Variants in WDR64 observed in about 807,000 individuals in gnomAD.
WDR64 encodes WD repeat-containing protein 64.
Under a neutral mutation model 139.3 loss-of-function variants are expected in WDR64, and 112 were observed. That is an observed-to-expected ratio of 0.80 (90% CI 0.69 to 0.94). WDR64 has a LOEUF of 0.94. Among genes scored for constraint, WDR64 ranks in the 40% least tolerant of loss-of-function variants. The pLI, the probability that WDR64 is intolerant of heterozygous loss-of-function variation, is 0.00. For synonymous variants in WDR64, 444 were observed against 437.7 expected (o/e 1.01, Z -0.18); for missense variants, 1,206 against 1,293.1 (o/e 0.93, Z 1.03).
chr1:241,779,351 T>A (rs1287457925), intron 21 of WDR64, among the ~76,000 whole-genome samples: 1 of 152,204 alleles, frequency 6.6e-6, no homozygotes, highest in African/African-American at 2.4e-5. Context: ...TCATTGTTGC[T>A]CTTTGATATG....
In WDR64 at chr1:241,705,498, C is replaced by T. The variant is rs546806552; in HGVS notation, c.975-6304C>T. Among the ~76,000 whole-genome samples the T allele has an allele frequency of 3.5e-3, 526 of 150,536 alleles. 3 individuals are homozygous for T. Among genetic ancestry groups the T allele is most frequent in the Non-Finnish European group, 5.9e-3 (400 of 67,744 alleles). On this transcript the variant is annotated intron_variant, in intron 8 of 27. Coordinates refer to ENST00000437684, the MANE Select transcript of WDR64 (RefSeq NM_001367482.1). The stretch of plus-strand genomic sequence containing the variant: ...CGGAGCTTGCAGTGAGCCGAGATCG[C>T]GCCACTGCACTCCAGCCTGGGCGAT...
In WDR64 at chr1:241,772,818, A is replaced by C; in HGVS notation, c.2317A>C (p.Lys773Gln). The change falls in exon 20 of 28, where the codon AAG becomes CAG. Residue 773 changes from lysine (K) to glutamine (Q), a missense_variant. Coordinates refer to ENST00000437684, the MANE Select transcript of WDR64 (RefSeq NM_001367482.1). ...TGAACAAACAGATGTAATGGTGGGA[A>C]AGCAACAGCCAATGGACAAAAAACA... is the stretch of plus-strand genomic sequence containing the variant. ...KGEQTDVMVG[K>Q]QQPMDKKHPG... 6.4e-7 allele frequency: 1 copy of C among 1,551,862 alleles called. No individual in the cohort carries two copies. Among genetic ancestry groups the C allele is most frequent in the Non-Finnish European group, 8.7e-7 (1 of 1,147,038 alleles).
intron 15 of WDR64, among the ~76,000 whole-genome samples, chr1:241,764,136 A>G (rs1219271180): frequency 6.6e-6 from 1 of 152,186 alleles, no homozygotes; most frequent in African/African-American, 2.4e-5. Context: ...GTTAAAAATG[A>G]AGACAAACAA....
intron 18 of WDR64, among the ~76,000 whole-genome samples, chr1:241,771,246 A>G (rs1309084614): frequency 6.6e-6 from 1 of 152,250 alleles, no homozygotes; most frequent in Non-Finnish European, 1.5e-5. Context: ...AAAGCCAGAC[A>G]GATTGTACTT....
At chr1:241,800,709 C>T (rs142429314) in intron 27 of WDR64, among the ~76,000 whole-genome samples, 5 of 152,254 alleles carry the variant, frequency 3.3e-5, no homozygotes, top group Non-Finnish European at 5.9e-5. Flanking sequence ...CTGATAATCA[C>T]TTGATTTTAT....
intron 6 of WDR64, 73 bp downstream of exon 6, chr1:241,679,668 T>G (rs1410771853): frequency 5.6e-6 from 7 of 1,248,418 alleles, no homozygotes; most frequent in Non-Finnish European, 8.0e-6. Context: ...AGCAATCCAC[T>G]TTCTCTATTG....
intron 17 of WDR64, 92 bp downstream of exon 17, chr1:241,769,597 T>C (rs983271607): frequency 1.1e-5 from 12 of 1,113,426 alleles, no homozygotes; most frequent in African/African-American, 3.1e-5. Flanking sequence ...GTTTTTGCCA[T>C]TGAAAGTAAT....
chr1:241,779,779 G>A (rs1658782891), intron 21 of WDR64, among the ~76,000 whole-genome samples: 2 of 152,144 alleles, frequency 1.3e-5, no homozygotes, highest in South Asian at 4.1e-4. Flanking sequence ...GCAGTGAGCT[G>A]AGATCATGCC....
intron 10 of WDR64, among the ~76,000 whole-genome samples, chr1:241,728,820 C>CTT (rs1219124745): frequency 1.8e-5 from 2 of 111,612 alleles, no homozygotes; most frequent in African/African-American, 3.9e-5. Flanking sequence ...TGATTCTCTT[C>CTT]TTCTTTTTTT....
chr1:241,785,468 A>T (rs1174227768), intron 23 of WDR64, among the ~76,000 whole-genome samples: 2 of 152,212 alleles, frequency 1.3e-5, no homozygotes, highest in African/African-American at 4.8e-5. Context: ...TGACCTAAGC[A>T]TGTCCCATTT....
intron 15 of WDR64, among the ~76,000 whole-genome samples, chr1:241,760,080 T>C (rs1180419018): frequency 6.6e-6 from 1 of 152,246 alleles, no homozygotes; most frequent in East Asian, 1.9e-4. Context: ...CATTATTCCA[T>C]TGTTTGCATA....
chr1:241,790,703 TAAA>T lies in WDR64; in HGVS notation c.2997+23_2997+25del, dbSNP rs35435449. 0.016 allele frequency: 20,375 copies of T among 1,258,660 alleles called. No individual in the cohort carries two copies. Among genetic ancestry groups the T allele is most frequent in the South Asian group, 0.025 (1,741 of 68,862 alleles). The allele number at this position is 1,258,660 out of a possible 1,614,324, so 78.0% of individuals were successfully genotyped here. On this transcript the variant is annotated splice_region_variant and intron_variant, in intron 25 of 27. Coordinates refer to ENST00000437684, the MANE Select transcript of WDR64 (RefSeq NM_001367482.1). ...GTCTCTTTCTTCTCCTAAGGTAGCTTAAAAAAAAAAAAAAAAAAGAAATGGCAA... is the reference window on the plus strand; with the variant it reads ...GTCTCTTTCTTCTCCTAAGGTAGCTTAAAAAAAAAAAAAAAGAAATGGCAA...
chr1:241,720,927 G>A (rs980188376), intron 9 of WDR64, among the ~76,000 whole-genome samples: 3 of 152,046 alleles, frequency 2.0e-5, no homozygotes, highest in African/African-American at 7.2e-5. Context: ...TATGGTTTTG[G>A]GGTTTACATT....
intron 10 of WDR64, among the ~76,000 whole-genome samples, chr1:241,730,368 T>C (rs1669030157): frequency 1.3e-5 from 2 of 152,168 alleles, no homozygotes; most frequent in African/African-American, 2.4e-5. Flanking sequence ...CTCTTAGCTA[T>C]GATTGCACAT....
chr1:241,664,311 T>C (rs189258564), intron 2 of WDR64, among the ~76,000 whole-genome samples: 65 of 152,356 alleles, frequency 4.3e-4, no homozygotes, highest in African/African-American at 1.5e-3. Flanking sequence ...TTTATATGCA[T>C]GAATTTCTAA....
rs528537519 is a variant in WDR64 at position 241,678,234 on chromosome 1, A to G, written c.513+18A>G. ...ATGTTACAGTAAGTACACTTTAAAAATTCCTAATTAAGTCAAAGTTAGGGC... is the reference window on the plus strand; with the variant it reads ...ATGTTACAGTAAGTACACTTTAAAAGTTCCTAATTAAGTCAAAGTTAGGGC... On this transcript the variant is annotated intron_variant, in intron 5 of 27. Transcript: ENST00000437684. The G allele has an allele frequency of 7.5e-6, 3 of 398,918 alleles. No individual in the cohort carries two copies. The highest frequency in any genetic ancestry group is 6.2e-5 in the African/African-American group (3 of 48,760). 24.7% of individuals were successfully genotyped at this position (398,918 alleles called of 1,614,324 possible).
chr1:241,663,963 T>C (rs1168549832), intron 2 of WDR64, among the ~76,000 whole-genome samples: 1 of 152,198 alleles, frequency 6.6e-6, no homozygotes, highest in African/African-American at 2.4e-5. Context: ...GATATACTGA[T>C]TCAATAAAGT....
chr1:241,749,670 A>G lies in WDR64; in HGVS notation c.1718A>G (p.His573Arg). The change falls in exon 14 of 28, where the codon CAC becomes CGC. Residue 573 changes from histidine (H) to arginine (R), a missense_variant. Transcript: ENST00000437684. The stretch of plus-strand genomic sequence containing the variant: ...ATTTTCCTCAAAGCCCAAGAAAAAC[A>G]CCAGCAGCTGGTCCTGGCCTTGGAG... ...RLIFLKAQEKHQQLVLALERN... is the reference protein window; with the variant it reads ...RLIFLKAQEKRQQLVLALERN... 6.2e-7 allele frequency: 1 copy of G among 1,614,112 alleles called. No homozygotes were observed. Among genetic ancestry groups the G allele is most frequent in the Non-Finnish European group, 8.5e-7 (1 of 1,180,014 alleles).
intron 21 of WDR64, among the ~76,000 whole-genome samples, chr1:241,778,245 G>A (rs557206952): frequency 1.3e-5 from 2 of 152,130 alleles, no homozygotes; most frequent in Non-Finnish European, 2.9e-5. Context: ...TTATCATTAG[G>A]TAATGCCCTC....
Sources: gnomAD v4.1 joint callset for allele counts (sites outside exome capture counted in the v4.1 genomes callset) on GRCh38, gnomAD v4.1.1 for gene constraint, MANE v1.5 for transcripts, NCBI Gene and HGNC (gene_info 2026-07-23, HGNC 2026-07-21) for gene names.